The following ARID2 variants were observed in gnomAD, a reference collection of about 807,000 sequenced individuals.
ARID2 encodes AT-rich interactive domain-containing protein 2.
A neutral mutation model predicts 184.6 loss-of-function variants in ARID2; 32 were observed. The ratio of observed to expected loss-of-function variants is 0.17; its 90% CI spans 0.13 to 0.23. The LOEUF (loss-of-function observed/expected upper bound fraction) is 0.23, where lower values mean the gene tolerates loss of function less well. Ranked by LOEUF, ARID2 falls within the 10% of genes least tolerant of loss-of-function variation. The pLI, the probability that ARID2 is intolerant of heterozygous loss-of-function variation, is 1.00. For missense variants in ARID2, 1,696 were observed against 2,197.6 expected (o/e 0.77, Z 4.56); for synonymous variants, 836 against 772.6 (o/e 1.08, Z -1.36).
intron 16 of ARID2, among the ~76,000 whole-genome samples, chr12:45,863,236 A>G (rs1943778076): frequency 6.6e-6 from 1 of 152,216 alleles, no homozygotes; most frequent in Non-Finnish European, 1.5e-5. Context: ...AAGAGCAAGC[A>G]CAGGAGTGTA....
intron 11 of ARID2, among the ~76,000 whole-genome samples, chr12:45,843,140 C>T (rs1943382026): frequency 6.8e-6 from 1 of 146,886 alleles, no homozygotes; most frequent in South Asian, 2.2e-4. Flanking sequence ...CATTAGAGGC[C>T]TTTTTTTTTT....
chr12:45,869,404 A>G (rs1943883113), intron 16 of ARID2, among the ~76,000 whole-genome samples: 1 of 151,552 alleles, frequency 6.6e-6, no homozygotes, highest in East Asian at 1.9e-4. Flanking sequence ...GTATCAGCCC[A>G]TGTTATTACT....
chr12:45,860,733 G>T (rs1943728857), intron 15 of ARID2, 68 bp from the exon 16 acceptor site: 2 of 1,291,840 alleles, frequency 1.5e-6, no homozygotes, highest in South Asian at 2.7e-5. Context: ...AAATTTATAA[G>T]ACTATACTAT....
In ARID2 at chr12:45,852,774, G is replaced by A. The variant is rs1161560614; in HGVS notation, c.4651G>A (p.Ala1551Thr). The change falls in exon 15 of 21, where the codon GCA becomes ACA. Residue 1551 changes from alanine to threonine, a missense_variant. Coordinates refer to ENST00000334344, the MANE Select transcript of ARID2 (RefSeq NM_152641.4). ...TGACCCCAACAATGCTGGCTGCAGC[G>A]CAACAATGGTTGCTGTGCCAGCAGG... ...ISDPNNAGCS[A>T]TMVAVPAGAD... 8 of 1,613,976 alleles carry A rather than the reference G, an allele frequency of 5.0e-6. No individual in the cohort carries two copies. The highest frequency in any genetic ancestry group is 6.8e-6 in the Non-Finnish European group (8 of 1,180,004).
At position 45,860,364 on chromosome 12, in the gene ARID2, A is replaced by G. The variant is rs918314832; in HGVS notation, c.4774-437A>G. ...TAAAATTTTCATTGCTTTTTACCAT[A>G]TTGTTTCACATTATATTCTTTAGAA... On this transcript the variant is annotated intron_variant, in intron 15 of 20. Transcript: ENST00000334344. Among the ~76,000 whole-genome samples the G allele has an allele frequency of 3.3e-5, 5 of 152,202 alleles. No individual in the cohort carries two copies. In the East Asian group the frequency reaches 7.7e-4, roughly 23 times the overall value.
chr12:45,895,637 C>T (rs1480738331), intron 20 of ARID2, among the ~76,000 whole-genome samples: 2 of 152,166 alleles, frequency 1.3e-5, no homozygotes, highest in African/African-American at 2.4e-5. Context: ...TGGGTTTGAG[C>T]GATTCTCCTG....
At chr12:45,731,350 T>C (rs764259718) in intron 3 of ARID2, 36 bp downstream of exon 3, 10 of 1,450,914 alleles carry the variant, frequency 6.9e-6, no homozygotes, top group Non-Finnish European at 8.7e-6. Flanking sequence ...TATTTGGAAA[T>C]AAGGGACTTA....
Position 45,731,306 on chromosome 12 carries a change from T to G in ARID2, c.276T>G (p.Tyr92Ter). 1 of 1,612,154 alleles carries G rather than the reference T, an allele frequency of 6.2e-7. No homozygotes were observed. Among genetic ancestry groups the G allele is most frequent in the Non-Finnish European group, 8.5e-7 (1 of 1,178,288 alleles). The change falls in exon 3 of 21, where the codon TAT becomes TAG. Residue 92 changes from tyrosine to a stop codon, truncating the protein, a stop_gained. Transcript: ENST00000334344. LOFTEE classifies it high-confidence loss of function. ...CSNAAFALKQ[Y>*]YLRYLEKYEK... ...ACGCTGCCTTTGCTTTAAAACAGTATTACTTGCGGTGAGTAGTAGTGACTT... is the reference window on the plus strand; with the variant it reads ...ACGCTGCCTTTGCTTTAAAACAGTAGTACTTGCGGTGAGTAGTAGTGACTT...
intron 3 of ARID2, among the ~76,000 whole-genome samples, chr12:45,804,295 C>T (rs1942559062): frequency 1.3e-5 from 2 of 152,106 alleles, no homozygotes; most frequent in South Asian, 4.1e-4. Flanking sequence ...CATGCGGCTT[C>T]ATTTTATTAA....
intron 6 of ARID2, among the ~76,000 whole-genome samples, chr12:45,832,717 AT>A (rs1230752473): frequency 1.3e-5 from 2 of 152,186 alleles, no homozygotes; most frequent in African/African-American, 4.8e-5. Flanking sequence ...GATTTAACCA[AT>A]CACAGATTGA....
intron 16 of ARID2, among the ~76,000 whole-genome samples, chr12:45,867,988 CTCT>C (rs1943858953): frequency 6.6e-6 from 1 of 152,094 alleles, no homozygotes; most frequent in South Asian, 2.1e-4. Context: ...TGTATTCTGC[CTCT>C]TCATCTTACC....
intron 3 of ARID2, among the ~76,000 whole-genome samples, chr12:45,801,330 A>G (rs1942498308): frequency 6.8e-6 from 1 of 146,966 alleles, no homozygotes; most frequent in African/African-American, 2.4e-5. Context: ...AAAAAAAAAA[A>G]AAGTAAAAAA....
intron 3 of ARID2, among the ~76,000 whole-genome samples, chr12:45,795,416 G>A (rs1309172423): frequency 2.0e-5 from 3 of 151,572 alleles, no homozygotes; most frequent in South Asian, 4.2e-4. Flanking sequence ...TTCTTCCTCC[G>A]TCTTCCTTTT....
chr12:45,748,752 A>C (rs574192368), intron 3 of ARID2, among the ~76,000 whole-genome samples: 8 of 152,280 alleles, frequency 5.3e-5, no homozygotes, highest in African/African-American at 1.9e-4. Context: ...TCATTTCAGC[A>C]ATGTTCACAG....
At chr12:45,738,048 C>G (rs1189314489) in intron 3 of ARID2, among the ~76,000 whole-genome samples, 1 of 151,906 alleles carries the variant, frequency 6.6e-6, no homozygotes, top group Non-Finnish European at 1.5e-5. Context: ...CTCACTTATT[C>G]CTAATTGGAG....
At chr12:45,827,108 C>A (rs989462870) in intron 6 of ARID2, among the ~76,000 whole-genome samples, 1 of 151,688 alleles carries the variant, frequency 6.6e-6, no homozygotes, top group Non-Finnish European at 1.5e-5. Context: ...GTATAAAAAA[C>A]GTTTTTTCTT....
At chr12:45,836,463 A>C (rs1000492203) in intron 6 of ARID2, 126 bp from the exon 7 acceptor site, 26 of 830,526 alleles carry the variant, frequency 3.1e-5, no homozygotes, top group Non-Finnish European at 4.0e-5. Context: ...TAATCCTCCC[A>C]TCTTGGCCTC....
At chr12:45,778,282 C>T (rs781315762) in intron 3 of ARID2, among the ~76,000 whole-genome samples, 56 of 152,024 alleles carry the variant, frequency 3.7e-4, no homozygotes, top group Non-Finnish European at 6.3e-4. Flanking sequence ...TATTATAGAT[C>T]TAGGATATAG....
intron 3 of ARID2, among the ~76,000 whole-genome samples, chr12:45,798,872 G>A (rs1366606766): frequency 1.3e-5 from 2 of 151,706 alleles, no homozygotes; most frequent in African/African-American, 4.8e-5. Flanking sequence ...GAAACTCTTA[G>A]TGTTTTCCTC....
Sources: allele counts gnomAD v4.1 joint callset (sites outside exome capture counted in the v4.1 genomes callset), GRCh38; gene constraint gnomAD v4.1.1; transcripts MANE v1.5; gene names NCBI Gene and HGNC (gene_info 2026-07-23, HGNC 2026-07-21).